ANAPC1: variants seen among roughly 807,000 people sequenced by gnomAD.
ANAPC1 encodes anaphase promoting complex subunit 1.
In ANAPC1, 36 loss-of-function variants were observed where a neutral mutation model predicts 208.0. The observed-to-expected ratio is 0.17, with a 90% CI of 0.13 to 0.23. The LOEUF (loss-of-function observed/expected upper bound fraction) is 0.23, where lower values mean the gene tolerates loss of function less well. Among genes scored for constraint, ANAPC1 ranks in the 10% least tolerant of loss-of-function variants. ANAPC1 has a pLI of 1.00. For missense variants in ANAPC1, 942 were observed against 2,011.6 expected, an observed-to-expected ratio of 0.47 and a Z score of 10.17; for synonymous variants, 378 against 695.2, an observed-to-expected ratio of 0.54 and a Z score of 7.18.
chr2:111,867,720 A>T (rs1682513852), intron 7 of ANAPC1, among the ~76,000 whole-genome samples: 2 of 151,834 alleles, frequency 1.3e-5, no homozygotes, highest in Non-Finnish European at 2.9e-5. Flanking sequence ...AACAACAACA[A>T]AAAATAAACT....
At position 111,834,704 on chromosome 2, in the gene ANAPC1, T is replaced by C. The variant is rs199872902; in HGVS notation, c.2284A>G (p.Ile762Val). 7 of 1,613,474 alleles carry C rather than the reference T, an allele frequency of 4.3e-6. No homozygotes were observed. The East Asian group carries it at 6.7e-5, about 15-fold the overall frequency. The change falls in exon 19 of 48, where the codon ATT becomes GTT. Residue 762 changes from isoleucine to valine, a missense_variant. Physicochemically the swap from Ile to Val is conservative, Grantham distance 29 (BLOSUM62 3). Transcript: ENST00000341068. ...STLLFTHIPA[I>V]FFVLHLVYEE... ...TACACAAGGTGAAGAACGAAAAAAA[T>C]TGCAGGTATGTGAGTAAAGAGAAGT...
At chr2:111,851,798 G>A (rs1334178239) in intron 13 of ANAPC1, among the ~76,000 whole-genome samples, 1 of 122,944 alleles carries the variant, frequency 8.1e-6, no homozygotes, top group East Asian at 2.3e-4. Context: ...CAACAAGAAC[G>A]AAACTCTGTC....
At chr2:111,773,859 GTCCTGGTGC>G (rs1169224622) in intron 46 of ANAPC1, among the ~76,000 whole-genome samples, 2 of 151,930 alleles carry the variant, frequency 1.3e-5, no homozygotes, top group Non-Finnish European at 2.9e-5. Flanking sequence ...GGTCACACAG[GTCCTGGTGC>G]CACACAGTAG....
chr2:111,799,124 T>A (rs1296332277), intron 34 of ANAPC1, among the ~76,000 whole-genome samples: 13 of 151,986 alleles, frequency 8.6e-5, no homozygotes, highest in African/African-American at 1.7e-4. Flanking sequence ...CAAATTTTTT[T>A]AAAAAATAAG....
rs1464735942 is a variant in ANAPC1 at position 111,767,829 on chromosome 2, C to G, written c.*1462G>C. 6.6e-6 allele frequency: 1 copy of G among 152,158 alleles called. No homozygotes were observed. The highest frequency in any genetic ancestry group is 1.5e-5 in the Non-Finnish European group (1 of 68,030). 9.4% of individuals were successfully genotyped at this position (152,158 alleles called of 1,614,324 possible). ...AACTGTGAAGAGAAGCACATTTCAG[C>G]CTCTCAGTCAGCCCCATCGTGCCTC... On this transcript the variant is annotated 3_prime_UTR_variant, in exon 48 of 48. Transcript: ENST00000341068.
At chr2:111,850,502 A>G (rs1681333093) in intron 14 of ANAPC1, among the ~76,000 whole-genome samples, 1 of 151,472 alleles carries the variant, frequency 6.6e-6, no homozygotes, top group African/African-American at 2.4e-5. Context: ...TCTTTCTTAA[A>G]TTCTAATTTC....
At chr2:111,859,231 C>A (rs1681917996) in intron 10 of ANAPC1, among the ~76,000 whole-genome samples, 2 of 152,202 alleles carry the variant, frequency 1.3e-5, no homozygotes, top group South Asian at 4.1e-4. Flanking sequence ...GCCTGTAATC[C>A]CAGCACTTTG....
intron 2 of ANAPC1, 46 bp downstream of exon 2, chr2:111,880,567 T>G (rs1683248678): frequency 1.3e-6 from 2 of 1,543,162 alleles, no homozygotes; most frequent in African/African-American, 2.8e-5. Flanking sequence ...ACAAGTAGAT[T>G]ATATCACTCT....
At chr2:111,788,729 G>A (rs1465136442) in intron 38 of ANAPC1, among the ~76,000 whole-genome samples, 1 of 127,132 alleles carries the variant, frequency 7.9e-6, no homozygotes, top group East Asian at 2.3e-4. Flanking sequence ...ATAAATCTGA[G>A]TTTTAAAAAT....
In ANAPC1 at chr2:111,865,017, A is replaced by G. The variant is rs1682328736; in HGVS notation, c.686-66T>C. The G allele has an allele frequency of 2.7e-6, 4 of 1,493,658 alleles. No individual in the cohort carries two copies. In the South Asian group the frequency reaches 5.7e-5, roughly 21 times the overall value. The allele number at this position is 1,493,658 out of a possible 1,614,324, so 92.5% of individuals were successfully genotyped here. On this transcript the variant is annotated intron_variant, in intron 7 of 47. Coordinates refer to ENST00000341068, the MANE Select transcript of ANAPC1 (RefSeq NM_022662.4). ...CTTTACAAGACTGATATTTATGAACAGAGCTCTTAAAATTGTTAAAGATAA... is the reference window on the plus strand; with the variant it reads ...CTTTACAAGACTGATATTTATGAACGGAGCTCTTAAAATTGTTAAAGATAA...
chr2:111,845,565 C>T (rs1681007731), intron 16 of ANAPC1, among the ~76,000 whole-genome samples: 1 of 152,102 alleles, frequency 6.6e-6, no homozygotes, highest in Non-Finnish European at 1.5e-5. Flanking sequence ...TTCTGTTTGG[C>T]TATAAAGGGG....
chr2:111,771,078 G>A (rs1234436339), intron 47 of ANAPC1: 44 of 151,620 alleles, frequency 2.9e-4, no homozygotes, highest in African/African-American at 1.1e-3. Flanking sequence ...GCTAATTGTA[G>A]GTCAAGTCTG....
intron 39 of ANAPC1, among the ~76,000 whole-genome samples, chr2:111,787,818 A>C (rs1677645536): frequency 7.2e-6 from 1 of 138,144 alleles, no homozygotes; most frequent in Non-Finnish European, 1.6e-5. Context: ...ATCGGCATCT[A>C]TGTGAAAGGA....
chr2:111,772,566 T>C (rs905086238), intron 46 of ANAPC1, 91 bp from the exon 47 acceptor site: 34 of 560,618 alleles, frequency 6.1e-5, no homozygotes, highest in East Asian at 5.7e-4. Context: ...CAAGAACTTA[T>C]TGAACGCTCA....
intron 24 of ANAPC1, among the ~76,000 whole-genome samples, chr2:111,824,289 T>C (rs1679710145): frequency 6.7e-6 from 1 of 149,686 alleles, no homozygotes; most frequent in African/African-American, 2.4e-5. Flanking sequence ...GAACATACTT[T>C]AGATAAGACT....
intron 34 of ANAPC1, among the ~76,000 whole-genome samples, chr2:111,798,911 G>A (rs1678297559): frequency 6.6e-6 from 1 of 151,876 alleles, no homozygotes; most frequent in Non-Finnish European, 1.5e-5. Context: ...GCGGGTGCCT[G>A]TAGTCCCAGC....
In ANAPC1 at chr2:111,833,209, C is replaced by G. The variant is rs762767574; in HGVS notation, c.2476+11G>C. 2.3e-5 allele frequency: 36 copies of G among 1,574,558 alleles called. No individual in the cohort carries two copies. Among genetic ancestry groups the G allele is most frequent in the Middle Eastern group, 3.6e-4 (2 of 5,510 alleles). ...ACTGTTTAGAAAATATTTAAAAGCA[C>G]GACTACTTACCTGGATCAATTGTGC... is the stretch of plus-strand genomic sequence containing the variant. On this transcript the variant is annotated intron_variant, in intron 20 of 47. Coordinates refer to ENST00000341068, the MANE Select transcript of ANAPC1 (RefSeq NM_022662.4).
intron 44 of ANAPC1, chr2:111,779,944 T>A (rs1216448017): frequency 3.8e-6 from 1 of 260,298 alleles, no homozygotes; most frequent in African/African-American, 2.3e-5. Flanking sequence ...GGTTATAATA[T>A]ACAGAGGAAA....
At chr2:111,774,751 G>C (rs1303079170) in intron 46 of ANAPC1, among the ~76,000 whole-genome samples, 2 of 65,630 alleles carry the variant, frequency 3.0e-5, no homozygotes, top group Non-Finnish European at 6.0e-5. Context: ...TTGGAAAATT[G>C]AGTGTGGCAA....
Sources: allele counts gnomAD v4.1 joint callset (sites outside exome capture counted in the v4.1 genomes callset), GRCh38; gene constraint gnomAD v4.1.1; transcripts MANE v1.5; gene names NCBI Gene and HGNC (gene_info 2026-07-23, HGNC 2026-07-21).